Variants in CMA1 observed in about 807,000 individuals in gnomAD.
CMA1 encodes chymase.
In CMA1, 24 loss-of-function variants were observed where a neutral mutation model predicts 18.8. The observed-to-expected ratio is 1.28, with a 90% CI of 0.92 to 1.80. The LOEUF is 1.80. Ranked by LOEUF, CMA1 falls within the 40% of genes most tolerant of loss-of-function variation. The probability of loss-of-function intolerance (pLI) is 0.00; values close to 1 mark genes in which losing one functional copy is unlikely to be tolerated. For missense variants in CMA1, 421 were observed against 302.8 expected, an observed-to-expected ratio of 1.39 and a Z score of -2.90; for synonymous variants, 152 against 117.0, an observed-to-expected ratio of 1.30 and a Z score of -1.93.
rs1471334200 is a variant in CMA1, at chr14:24,505,434, G to C, written c.*82C>G. The C allele has an allele frequency of 6.3e-7, 1 of 1,581,768 alleles. No homozygotes were observed. The highest frequency in any genetic ancestry group is 1.3e-5 in the African/African-American group (1 of 74,208). On this transcript the variant is annotated 3_prime_UTR_variant, in exon 5 of 5. Coordinates refer to ENST00000250378, the MANE Select transcript of CMA1 (RefSeq NM_001836.5). ...CTTAGGGTTGTGGCTGAGGGACCAA[G>C]GGTAGACCAGAATGAGTGGCACACA...
rs753178749 is a variant in CMA1, at chr14:24,505,671, G to GGA, written c.601-14_601-13dup. 5.6e-6 allele frequency: 9 copies of GGA among 1,593,460 alleles called. No homozygotes were observed. The South Asian group carries it at 9.1e-5, about 16-fold the overall frequency. On this transcript the variant is annotated splice_polypyrimidine_tract_variant and intron_variant, in intron 4 of 4. Transcript: ENST00000250378. Reference sequence around the variant, plus strand: ...CCCCCAGAGTCTCCCTGTAGGGGGAGGAGAGAGAGAAGAAGGTGAGCCCGG... The same window carrying GGA: ...CCCCCAGAGTCTCCCTGTAGGGGGAGGAGAGAGAGAGAAGAAGGTGAGCCCGG...
In CMA1 at chr14:24,508,080, C is replaced by A. The variant is rs997122212; in HGVS notation, c.58+98G>T. On this transcript the variant is annotated intron_variant, in intron 1 of 4. Coordinates refer to ENST00000250378, the MANE Select transcript of CMA1 (RefSeq NM_001836.5). ...CCCTCTGGGACTCTTGAAGAGAGAT[C>A]TTGGAACCCTGTTTAGGAGTCAGCT... The A allele has an allele frequency of 5.9e-6, 7 of 1,195,038 alleles. No homozygotes were observed. In the South Asian group the frequency reaches 7.9e-5, roughly 13 times the overall value. The allele number at this position is 1,195,038 out of a possible 1,614,324, so 74.0% of individuals were successfully genotyped here.
Position 24,506,079 on chromosome 14 carries a change from G to A in CMA1, c.549C>T (p.His183=), listed in dbSNP as rs1430658955. ...QACSHFRDFD[H]NLQLCVGNPR... ...GATTGCCCACACACAGCTGAAGATT[G>A]TGGTCAAAGTCTCTGAAGTGGCTGC... The change falls in exon 4 of 5, where the codon CAC becomes CAT. Residue 183 remains histidine (H), a synonymous_variant. Transcript: ENST00000250378. 6.2e-7 allele frequency: 1 copy of A among 1,614,214 alleles called. No individual in the cohort carries two copies. The highest frequency in any genetic ancestry group is 1.1e-5 in the South Asian group (1 of 91,088).
intron 2 of CMA1, 78 bp downstream of exon 2, chr14:24,507,278 C>T: frequency 6.5e-7 from 1 of 1,546,204 alleles, no homozygotes; most frequent in Non-Finnish European, 8.9e-7. Flanking sequence ...CTCTTCAGTC[C>T]CCAGTGCAGG....
At chr14:24,506,641 T>C (rs1267276308) in intron 2 of CMA1, 37 bp from the exon 3 acceptor site, 9 of 1,609,740 alleles carry the variant, frequency 5.6e-6, no homozygotes, top group South Asian at 4.4e-5. Context: ...GGAGCGACAG[T>C]GATGGCTTGG....
chr14:24,507,388 G>A lies in CMA1; in HGVS notation c.177C>T (p.Asn59=). ...CACAATGAGCAGCCGTCAGCACAAA[G>A]TTCCGTCTTATAAGGAAACCACCAC... ...KFCGGFLIRR[N]FVLTAAHCAG... The change falls in exon 2 of 5, where the codon AAC becomes AAT. Residue 59 remains asparagine (N), a synonymous_variant. Transcript: ENST00000250378. The A allele has an allele frequency of 6.2e-7, 1 of 1,614,160 alleles. No individual in the cohort carries two copies. The highest frequency in any genetic ancestry group is 8.5e-7 in the Non-Finnish European group (1 of 1,180,032).
At position 24,507,488 on chromosome 14, in the gene CMA1, G is replaced by T; in HGVS notation, c.77C>A (p.Thr26Lys). ...GGGGCGGGAATGTGGCTTGCATTCT[G>T]TGCCCCCGATGATCTCCCCTGGAAC... ...RAEAGEIIGG[T>K]ECKPHSRPYM... is the part of the protein sequence containing the mutation. The change falls in exon 2 of 5, where the codon ACA (threonine) becomes AAA (lysine). Residue 26 changes from threonine to lysine, a missense_variant. By Grantham distance (78) the Thr-to-Lys change is moderately conservative. Coordinates refer to ENST00000250378, the MANE Select transcript of CMA1 (RefSeq NM_001836.5). 6.2e-7 allele frequency: 1 copy of T among 1,613,888 alleles called. No individual in the cohort carries two copies. Among genetic ancestry groups the T allele is most frequent in the Middle Eastern group, 1.7e-4 (1 of 6,032 alleles).
intron 4 of CMA1, 35 bp from the exon 5 acceptor site, chr14:24,505,694 C>G (rs371301206): frequency 1.1e-5 from 17 of 1,569,482 alleles, no homozygotes; most frequent in Non-Finnish European, 1.5e-5. Flanking sequence ...AAGGTGAGCC[C>G]GGGAAGTCCT....
chr14:24,507,212 A>G (rs745735142), intron 2 of CMA1, 144 bp downstream of exon 2: 286 of 934,292 alleles, frequency 3.1e-4, no homozygotes, highest in Middle Eastern at 1.6e-3. Context: ...AACACAGACT[A>G]AAGTCTTTCA....
At position 24,506,578 on chromosome 14, in the gene CMA1, T is replaced by C; in HGVS notation, c.236A>G (p.His79Arg). Residue 79 changes from histidine (H) to arginine (R), a missense_variant, in exon 3 of 5, where the codon CAT becomes CGT. Coordinates refer to ENST00000250378, the MANE Select transcript of CMA1 (RefSeq NM_001836.5). ...TGTGTCTTCTTCCTCTGTTATGTTA[T>C]GGGCTCCAAGGGTGACTGTTATAGA... ...GRSITVTLGA[H>R]NITEEEDTWQ... is the part of the protein sequence containing the mutation. 1 of 1,614,110 alleles carries C rather than the reference T, an allele frequency of 6.2e-7. No homozygotes were observed. Among genetic ancestry groups the C allele is most frequent in the African/African-American group, 1.3e-5 (1 of 75,034 alleles).
At chr14:24,505,955 C>A (rs2073335) in intron 4 of CMA1, 73 bp downstream of exon 4, 46,688 of 1,562,706 alleles carry the variant, frequency 0.03, 1,216 homozygotes, top group East Asian at 0.14. Context: ...AACCTTCTGA[C>A]CCCATCTCCT....
At position 24,505,414 on chromosome 14, in the gene CMA1, G is replaced by T; in HGVS notation, c.*102C>A. ...CTGTAGGATACTTCTGGAGGCTTAG[G>T]GTTGTGGCTGAGGGACCAAGGGTAG... On this transcript the variant is annotated 3_prime_UTR_variant, in exon 5 of 5. Coordinates refer to ENST00000250378, the MANE Select transcript of CMA1 (RefSeq NM_001836.5). The T allele has an allele frequency of 6.8e-7, 1 of 1,464,128 alleles. No individual in the cohort carries two copies. Among genetic ancestry groups the T allele is most frequent in the Non-Finnish European group, 9.5e-7 (1 of 1,048,234 alleles). The allele number at this position is 1,464,128 out of a possible 1,614,324, so 90.7% of individuals were successfully genotyped here. A position where few individuals can be genotyped will look rare whatever the true frequency, so the allele number is the denominator to read the frequency against.
rs374826972 is a variant in CMA1 at position 24,508,166 on chromosome 14, C to G, written c.58+12G>C. The G allele has an allele frequency of 7.1e-5, 114 of 1,612,954 alleles. No homozygotes were observed. The African/African-American group carries it at 1.0e-3, about 15-fold the overall frequency. On this transcript the variant is annotated intron_variant, in intron 1 of 4. Transcript: ENST00000250378. ...TACTGCAGATTTCAGAGGGAAGAAC[C>G]CTGATACTCACCAGCTTCAGCTCTG...
At chr14:24,507,268 C>G (rs534371547) in intron 2 of CMA1, 88 bp downstream of exon 2, 1 of 1,506,422 alleles carries the variant, frequency 6.6e-7, no homozygotes, top group African/African-American at 1.4e-5. Flanking sequence ...CCAGGACCCC[C>G]TCTTCAGTCC....
intron 4 of CMA1, among the ~76,000 whole-genome samples, 161 bp from the exon 5 acceptor site, chr14:24,505,820 C>A (rs959451307): frequency 1.3e-5 from 2 of 152,114 alleles, no homozygotes; most frequent in Non-Finnish European, 2.9e-5. Context: ...TTCTTGGGAC[C>A]GTCATCCACA....
chr14:24,506,623 A>G lies in CMA1; in HGVS notation c.210-19T>C. On this transcript the variant is annotated intron_variant, in intron 2 of 4. Coordinates refer to ENST00000250378, the MANE Select transcript of CMA1 (RefSeq NM_001836.5). Reference sequence around the variant, plus strand: ...TATAGACCTGTTGTGAGGAAGAAGGAAGGAAAAGGAGCGACAGTGATGGCT... The same window carrying G: ...TATAGACCTGTTGTGAGGAAGAAGGGAGGAAAAGGAGCGACAGTGATGGCT... The G allele has an allele frequency of 6.2e-7, 1 of 1,612,610 alleles. No homozygotes were observed. Among genetic ancestry groups the G allele is most frequent in the Non-Finnish European group, 8.5e-7 (1 of 1,179,544 alleles).
intron 3 of CMA1, 27 bp downstream of exon 3, chr14:24,506,442 G>C: frequency 1.9e-6 from 3 of 1,613,234 alleles, no homozygotes; most frequent in Non-Finnish European, 2.5e-6. Flanking sequence ...AATGGGAAGT[G>C]GAAAGGGAGA....
chr14:24,505,963 CCTT>C (rs1322505912), intron 4 of CMA1, 62 bp downstream of exon 4: 3 of 1,580,174 alleles, frequency 1.9e-6, no homozygotes, highest in East Asian at 2.2e-5. Flanking sequence ...GACCCCATCT[CCTT>C]CTAAGAGCAT....
At chr14:24,507,965 A>T (rs2043872830) in intron 1 of CMA1, among the ~76,000 whole-genome samples, 1 of 120,062 alleles carries the variant, frequency 8.3e-6, no homozygotes, top group Non-Finnish European at 1.6e-5. Flanking sequence ...TTGAGGTGAA[A>T]TTCCTTGTTC....
Sources: gnomAD v4.1 joint callset for allele counts (sites outside exome capture counted in the v4.1 genomes callset) on GRCh38, gnomAD v4.1.1 for gene constraint, MANE v1.5 for transcripts, NCBI Gene and HGNC (gene_info 2026-07-23, HGNC 2026-07-21) for gene names.